The following HEPHL1 variants were observed in gnomAD, a reference collection of about 807,000 sequenced individuals.
HEPHL1 encodes ferroxidase HEPHL1.
Under a neutral mutation model 122.0 loss-of-function variants are expected in HEPHL1, and 123 were observed. The ratio of observed to expected loss-of-function variants is 1.01; its 90% CI spans 0.87 to 1.17. The LOEUF is 1.17. Among genes scored for constraint, HEPHL1 ranks in the 50% most tolerant of loss-of-function variants. The probability of loss-of-function intolerance (pLI) is 0.00; values close to 1 mark genes in which losing one functional copy is unlikely to be tolerated. For synonymous variants in HEPHL1, 527 were observed against 508.9 expected (o/e 1.04, Z -0.48); for missense variants, 1,452 against 1,430.5 (o/e 1.01, Z -0.24).
In HEPHL1 at chr11:94,112,511, C is replaced by CAA. The variant is rs1362489432; in HGVS notation, c.*619_*620dup. On this transcript the variant is annotated 3_prime_UTR_variant, in exon 20 of 20. Transcript: ENST00000315765. ...CCTGTGCAGTGCTTGTTTTAAAAAG[C>CAA]AAAGTTATACGTTTTTTAAAAAATT... is the stretch of plus-strand genomic sequence containing the variant. 6.6e-6 allele frequency: 1 copy of CAA among 152,176 alleles called. No homozygotes were observed. Among genetic ancestry groups the CAA allele is most frequent in the Non-Finnish European group, 1.5e-5 (1 of 68,018 alleles). 9.4% of individuals were successfully genotyped at this position (152,176 alleles called of 1,614,324 possible).
chr11:94,062,660 A>G lies in HEPHL1; in HGVS notation c.416-848A>G, dbSNP rs1450636024. ...CATCCAGCTTTTTTTTTTTTTCAGT[A>G]CCAGTCTAGCTCCTCCCGTCCTTTA... On this transcript the variant is annotated intron_variant, in intron 2 of 19. Transcript: ENST00000315765. 2.7e-5 allele frequency among the ~76,000 whole-genome samples: 4 copies of G among 148,928 alleles called. No homozygotes were observed. In the East Asian group the frequency reaches 7.8e-4, roughly 29 times the overall value.
chr11:94,037,268 G>C (rs1172287533), intron 1 of HEPHL1, among the ~76,000 whole-genome samples: 1 of 151,996 alleles, frequency 6.6e-6, no homozygotes, highest in Non-Finnish European at 1.5e-5. Context: ...AGATCAAACT[G>C]CAAGGCGGCA....
chr11:94,033,325 T>C (rs1945692518), intron 1 of HEPHL1, among the ~76,000 whole-genome samples: 1 of 152,198 alleles, frequency 6.6e-6, no homozygotes, highest in South Asian at 2.1e-4. Context: ...ATATGTTGAA[T>C]TTCTGAGAGC....
At chr11:94,074,435 AT>A (rs1946103298) in intron 8 of HEPHL1, among the ~76,000 whole-genome samples, 1 of 145,466 alleles carries the variant, frequency 6.9e-6, no homozygotes, top group Non-Finnish European at 1.5e-5. Flanking sequence ...TCTTAAAAAA[AT>A]AAAAGAAAAA....
intron 6 of HEPHL1, among the ~76,000 whole-genome samples, chr11:94,072,424 A>G (rs1201029076): frequency 1.3e-5 from 2 of 152,152 alleles, no homozygotes; most frequent in Non-Finnish European, 2.9e-5. Context: ...GAAGCAGAAA[A>G]AGAAAATCTA....
At chr11:94,062,642 CT>C (rs201296858) in intron 2 of HEPHL1, among the ~76,000 whole-genome samples, 3,750 of 143,336 alleles carry the variant, frequency 0.026, 86 homozygotes, top group Admixed American at 0.084. Context: ...TACCATCCAG[CT>C]TTTTTTTTTT....
intron 9 of HEPHL1, among the ~76,000 whole-genome samples, chr11:94,080,437 T>C (rs890867057): frequency 6.6e-6 from 1 of 152,090 alleles, no homozygotes; most frequent in African/African-American, 2.4e-5. Context: ...AAAAGCAAAG[T>C]GTGACAAATG....
At chr11:94,088,401 T>C (rs1452002809) in intron 11 of HEPHL1, among the ~76,000 whole-genome samples, 2 of 152,234 alleles carry the variant, frequency 1.3e-5, no homozygotes, top group Non-Finnish European at 1.5e-5. Flanking sequence ...TAATTAGTTC[T>C]TTTTAAACTG....
chr11:94,112,051 T>C lies in HEPHL1; in HGVS notation c.*157T>C. ...CTCTCAAACATCATCCAAAGCAATTTGCTTTTATTTATTTATTTTTAAATG... is the reference window on the plus strand; with the variant it reads ...CTCTCAAACATCATCCAAAGCAATTCGCTTTTATTTATTTATTTTTAAATG... On this transcript the variant is annotated 3_prime_UTR_variant, in exon 20 of 20. Transcript: ENST00000315765. 2.1e-6 allele frequency: 1 copy of C among 481,952 alleles called. No individual in the cohort carries two copies. The highest frequency in any genetic ancestry group is 6.6e-5 in the South Asian group (1 of 15,110). 29.9% of individuals were successfully genotyped at this position (481,952 alleles called of 1,614,324 possible).
chr11:94,032,424 T>C (rs1945683552), intron 1 of HEPHL1, among the ~76,000 whole-genome samples: 3 of 152,228 alleles, frequency 2.0e-5, no homozygotes, highest in Admixed American at 2.0e-4. Context: ...ATAATCACTT[T>C]TTAGCTTGAC....
At chr11:94,055,158 C>A in intron 2 of HEPHL1, 1 of 217,860 alleles carries the variant, frequency 4.6e-6, no homozygotes. Context: ...CTGTGGTGGC[C>A]AGTGAATTGG....
At chr11:94,095,252 A>T (rs1234313963) in intron 13 of HEPHL1, among the ~76,000 whole-genome samples, 2 of 152,258 alleles carry the variant, frequency 1.3e-5, no homozygotes, top group Non-Finnish European at 2.9e-5. Context: ...TTAAATAGGG[A>T]ATCTTTCCTC....
At chr11:94,099,602 C>T (rs1187821107) in intron 13 of HEPHL1, among the ~76,000 whole-genome samples, 1 of 152,222 alleles carries the variant, frequency 6.6e-6, no homozygotes, top group African/African-American at 2.4e-5. Flanking sequence ...CTATGCCTTG[C>T]CCCCAGGGGT....
At chr11:94,082,642 G>A in intron 10 of HEPHL1, 74 bp downstream of exon 10, 1 of 1,400,288 alleles carries the variant, frequency 7.1e-7, no homozygotes, top group East Asian at 2.3e-5. Context: ...TGGTGTGTTT[G>A]AATTATATTA....
At chr11:94,108,533 G>T (rs1946425363) in intron 17 of HEPHL1, among the ~76,000 whole-genome samples, 2 of 151,982 alleles carry the variant, frequency 1.3e-5, no homozygotes, top group Non-Finnish European at 2.9e-5. Context: ...AAGTGGTATA[G>T]TTTTAGATTT....
At chr11:94,050,962 G>A (rs187438061) in intron 2 of HEPHL1, among the ~76,000 whole-genome samples, 12 of 152,062 alleles carry the variant, frequency 7.9e-5, no homozygotes, top group African/African-American at 1.9e-4. Context: ...AATGACCTCC[G>A]GTTCAATCCA....
intron 6 of HEPHL1, 106 bp downstream of exon 6, chr11:94,070,648 A>G: frequency 1.1e-6 from 1 of 906,398 alleles, no homozygotes; most frequent in South Asian, 1.8e-5. Context: ...ATGAGCTTAT[A>G]CTGCATAGAT....
chr11:94,055,268 C>A, intron 2 of HEPHL1: 1 of 280,996 alleles, frequency 3.6e-6, no homozygotes, highest in South Asian at 4.3e-5. Flanking sequence ...TCTCTGATTC[C>A]TGTTGAGCCA....
At chr11:94,106,988 G>T (rs919427837) in intron 17 of HEPHL1, among the ~76,000 whole-genome samples, 1 of 152,176 alleles carries the variant, frequency 6.6e-6, no homozygotes, top group Non-Finnish European at 1.5e-5. Context: ...CTGTACAGCA[G>T]AGCCATCTGG....
Sources: gnomAD v4.1 joint callset for allele counts (sites outside exome capture counted in the v4.1 genomes callset) on GRCh38, gnomAD v4.1.1 for gene constraint, MANE v1.5 for transcripts, NCBI Gene and HGNC (gene_info 2026-07-23, HGNC 2026-07-21) for gene names.